NAPSA: variants seen among roughly 807,000 people sequenced by gnomAD.
NAPSA encodes napsin A aspartic peptidase.
Under a neutral mutation model 36.7 loss-of-function variants are expected in NAPSA, and 37 were observed. The observed-to-expected ratio is 1.01, with a 90% confidence interval of 0.78 to 1.33. NAPSA has a LOEUF of 1.33. NAPSA is among the 40% of genes most tolerant of loss of function. NAPSA has a pLI of 0.00. For synonymous variants in NAPSA, 222 were observed against 234.5 expected, an observed-to-expected ratio of 0.95 and a Z score of 0.49; for missense variants, 532 against 543.8, an observed-to-expected ratio of 0.98 and a Z score of 0.21.
At chr19:50,367,649 C>T (rs112937621), upstream of NAPSA, among the ~76,000 whole-genome samples, 1,698 of 152,124 alleles carry the variant, frequency 0.011, 27 homozygotes, top group Admixed American at 0.04. Flanking sequence ...CACCCCATGC[C>T]TACTATCACT....
At position 50,361,952 on chromosome 19, in the gene NAPSA, C is replaced by T; in HGVS notation, c.349+17G>A. 1 of 1,591,226 alleles carries T rather than the reference C, an allele frequency of 6.3e-7. No homozygotes were observed. Among genetic ancestry groups the T allele is most frequent in the Non-Finnish European group, 8.6e-7 (1 of 1,168,856 alleles). ...CTTCACCCCCATTCAGCCTTATTCTCCCACATAGAAGCTCACAGCAGGGCA... is the reference window on the plus strand; with the variant it reads ...CTTCACCCCCATTCAGCCTTATTCTTCCACATAGAAGCTCACAGCAGGGCA... On this transcript the variant is annotated intron_variant, in intron 3 of 8. Transcript: ENST00000253719.
upstream of NAPSA, among the ~76,000 whole-genome samples, chr19:50,368,201 G>T (rs2037573861): frequency 6.6e-6 from 1 of 151,056 alleles, no homozygotes; most frequent in Non-Finnish European, 1.5e-5. Context: ...AAGGCTAGGT[G>T]CGGTGGGGGT....
At chr19:50,367,993 A>G (rs970157745), upstream of NAPSA, among the ~76,000 whole-genome samples, 4 of 151,970 alleles carry the variant, frequency 2.6e-5, no homozygotes, top group Admixed American at 2.6e-4. Context: ...CCCTGTCTCT[A>G]CTAAAAATAC....
chr19:50,366,646 GTTATTTATTTATTTAT>G (rs56341915), upstream of NAPSA, among the ~76,000 whole-genome samples: 460 of 145,056 alleles, frequency 3.2e-3, 4 homozygotes, highest in African/African-American at 9.6e-3. Flanking sequence ...GCATTGATGA[GTTATTTATTTATTTAT>G]TTATTTATTT....
upstream of NAPSA, among the ~76,000 whole-genome samples, chr19:50,368,981 G>A (rs552565872): frequency 1.8e-4 from 27 of 152,190 alleles, no homozygotes; most frequent in Non-Finnish European, 5.9e-5. Flanking sequence ...TGCCGAACAC[G>A]GCCCGGCCAA....
chr19:50,368,367 C>T (rs1400001682), upstream of NAPSA, among the ~76,000 whole-genome samples: 2 of 151,944 alleles, frequency 1.3e-5, no homozygotes, highest in African/African-American at 2.4e-5. Context: ...TGGCACACTC[C>T]TGTAGTCCCA....
At position 50,362,242 on chromosome 19, in the gene NAPSA, T is replaced by G; in HGVS notation, c.155A>C (p.Glu52Ala). The change falls in exon 2 of 9, where the codon GAG becomes GCG. Residue 52 changes from glutamate (E) to alanine (A), a missense_variant. Transcript: ENST00000253719. ...GGATGGGGCCCCCAACTTGGGGAGC[T>G]CTGCTGGTTCTCTCCATCCCCTCAG... is the stretch of plus-strand genomic sequence containing the variant. ...NLLRGWREPA[E>A]LPKLGAPSPG... 1 of 1,614,074 alleles carries G rather than the reference T, an allele frequency of 6.2e-7. No homozygotes were observed. The highest frequency in any genetic ancestry group is 8.5e-7 in the Non-Finnish European group (1 of 1,179,984).
At chr19:50,361,405 C>T (rs2037471180) in intron 4 of NAPSA, 1 of 588,602 alleles carries the variant, frequency 1.7e-6, no homozygotes, top group African/African-American at 1.9e-5. Context: ...CTCCTCCTCC[C>T]TGCTTGAGAA....
At chr19:50,359,348 C>T (rs2123605605) in intron 7 of NAPSA, 155 bp downstream of exon 7, 2 of 1,051,744 alleles carry the variant, frequency 1.9e-6, no homozygotes, top group South Asian at 1.5e-5. Context: ...GTCCTCAATT[C>T]CTCCACCACC....
upstream of NAPSA, among the ~76,000 whole-genome samples, chr19:50,367,550 C>T (rs78432723): frequency 1.3e-5 from 1 of 77,574 alleles, no homozygotes; most frequent in Admixed American, 1.1e-4. Context: ...CTCTCTCTCC[C>T]TCTCTCTCTC....
intron 1 of NAPSA, 59 bp from the exon 2 acceptor site, chr19:50,362,372 C>T (rs2123614310): frequency 6.7e-7 from 1 of 1,494,952 alleles, no homozygotes; most frequent in South Asian, 1.3e-5. Context: ...TCTAAATAGA[C>T]TTACCCAAAT....
chr19:50,364,397 C>T (rs1174020795), intron 1 of NAPSA, among the ~76,000 whole-genome samples: 8 of 150,634 alleles, frequency 5.3e-5, no homozygotes, highest in East Asian at 2.0e-4. Context: ...GGGTGGATCA[C>T]GAGGTCAGGA....
At chr19:50,359,716 G>A (rs747514253) in intron 6 of NAPSA, 24 bp downstream of exon 6, 8 of 1,614,240 alleles carry the variant, frequency 5.0e-6, no homozygotes, top group Non-Finnish European at 6.8e-6. Context: ...TCCAGCTCCA[G>A]AGCCAGGAGA....
chr19:50,362,042 A>C lies in NAPSA; in HGVS notation c.276T>G (p.Thr92=), dbSNP rs750981539. ...IGLGTPPQNF[T]VAFDTGSSNL... is the part of the protein sequence containing the mutation. The stretch of plus-strand genomic sequence containing the variant: ...TGGAGGAGCCAGTGTCAAAGGCAAC[A>C]GTGAAGTTTTGTGGAGGCGTTCCCA... The change falls in exon 3 of 9, where the codon ACT becomes ACG. Residue 92 remains threonine, a synonymous_variant. Coordinates refer to ENST00000253719, the MANE Select transcript of NAPSA (RefSeq NM_004851.3). The C allele has an allele frequency of 1.9e-6, 3 of 1,613,446 alleles. No individual in the cohort carries two copies. The highest frequency in any genetic ancestry group is 2.5e-6 in the Non-Finnish European group (3 of 1,179,830).
Position 50,362,274 on chromosome 19 carries a change from C to T in NAPSA, c.123G>A (p.Leu41=). The T allele has an allele frequency of 6.2e-7, 1 of 1,613,608 alleles. No homozygotes were observed. Among genetic ancestry groups the T allele is most frequent in the Non-Finnish European group, 8.5e-7 (1 of 1,179,732 alleles). ...LHRVQPGRRI[L]NLLRGWREPA... ...GTTCTCTCCATCCCCTCAGTAGGTT[C>T]AGGATCCTGCGTCCAGGTTGGACTC... Residue 41 remains leucine (L), a synonymous_variant, in exon 2 of 9, where the codon CTG becomes CTA. Transcript: ENST00000253719.
rs763054627 is a variant in NAPSA at position 50,362,032 on chromosome 19, C to G, written c.286G>C (p.Asp96His). The change falls in exon 3 of 9, where the codon GAC becomes CAC. Residue 96 changes from aspartate (D) to histidine (H), a missense_variant. Asp to His is a moderately conservative substitution (Grantham distance 81). Around this residue, in one of 3 missense-constraint regions of NAPSA, gnomAD observed 45 missense variants for 78.7 expected, o/e 0.57. Transcript: ENST00000253719. The part of the protein sequence containing the change: ...TPPQNFTVAF[D>H]TGSSNLWVPS... Reference sequence around the variant, plus strand: ...ACCCAGAGATTGGAGGAGCCAGTGTCAAAGGCAACAGTGAAGTTTTGTGGA... The same window carrying G: ...ACCCAGAGATTGGAGGAGCCAGTGTGAAAGGCAACAGTGAAGTTTTGTGGA... 9.9e-6 allele frequency: 16 copies of G among 1,612,502 alleles called. 1 individual carries two copies. The South Asian group carries it at 1.5e-4, about 16-fold the overall frequency.
upstream of NAPSA, among the ~76,000 whole-genome samples, chr19:50,367,094 G>C (rs1405128060): frequency 2.0e-5 from 3 of 152,064 alleles, no homozygotes; most frequent in Non-Finnish European, 4.4e-5. Flanking sequence ...CAAAGTGCTG[G>C]GATTACAGGC....
chr19:50,361,004 G>C lies in NAPSA; in HGVS notation c.605C>G (p.Pro202Arg), dbSNP rs762478550. Reference sequence around the variant, plus strand: ...CCCCTGCTCCACCAGTACATCCATCGGGGGCCGAACTCCTTCCACAGACAG... The same window carrying C: ...CCCCTGCTCCACCAGTACATCCATCCGGGGCCGAACTCCTTCCACAGACAG... ...PILSVEGVRP[P>R]MDVLVEQGLL... Residue 202 changes from proline (P) to arginine (R), a missense_variant, in exon 5 of 9, where the codon CCG becomes CGG. By Grantham distance (103) the Pro-to-Arg change is moderately radical. This residue lies in a region of NAPSA where 385 missense variants were observed against 371.5 expected (regional missense o/e 1.04). Coordinates refer to ENST00000253719, the MANE Select transcript of NAPSA (RefSeq NM_004851.3). The C allele has an allele frequency of 6.2e-7, 1 of 1,613,980 alleles. No individual in the cohort carries two copies. The highest frequency in any genetic ancestry group is 8.5e-7 in the Non-Finnish European group (1 of 1,180,036).
At position 50,365,609 on chromosome 19, in the gene NAPSA, G is replaced by T. The variant is rs765527090; in HGVS notation, c.13C>A (p.Pro5Thr). The change falls in exon 1 of 9, where the codon CCG becomes ACG. Residue 5 changes from proline (P) to threonine (T), a missense_variant. This residue lies in a region of NAPSA where 102 missense variants were observed against 93.6 expected (regional missense o/e 1.09). Coordinates refer to ENST00000253719, the MANE Select transcript of NAPSA (RefSeq NM_004851.3). MSPPPLLQPLLLLLP... is the reference protein window; with the variant it reads MSPPTLLQPLLLLLP... ...AGCAGCAGCAGGGGTTGCAGCAGCG[G>T]TGGTGGAGACATCGCTGGGGACCTG... 1 of 1,611,608 alleles carries T rather than the reference G, an allele frequency of 6.2e-7. No individual in the cohort carries two copies. Among genetic ancestry groups the T allele is most frequent in the Non-Finnish European group, 8.5e-7 (1 of 1,179,036 alleles).
Sources: gnomAD v4.1 joint callset for allele counts (sites outside exome capture counted in the v4.1 genomes callset) on GRCh38, gnomAD v4.1.1 for gene constraint, gnomAD v4.1.1 regional missense constraint, MANE v1.5 for transcripts, NCBI Gene and HGNC (gene_info 2026-07-23, HGNC 2026-07-21) for gene names.